HLTF: variants seen among roughly 807,000 people sequenced by gnomAD.
HLTF encodes DNA-dependent ATPase/E3 ubiquitin-protein ligase HLTF.
A neutral mutation model predicts 129.4 loss-of-function variants in HLTF; 127 were observed. The ratio of observed to expected loss-of-function variants is 0.98; its 90% CI spans 0.85 to 1.14. The LOEUF is 1.14. Ranked by LOEUF, HLTF falls within the 50% of genes most tolerant of loss-of-function variation. The probability of loss-of-function intolerance (pLI) is 0.00; values close to 1 mark genes in which losing one functional copy is unlikely to be tolerated. For missense variants in HLTF, 1,139 were observed against 1,187.1 expected, an observed-to-expected ratio of 0.96 and a Z score of 0.60; for synonymous variants, 332 against 388.8, an observed-to-expected ratio of 0.85 and a Z score of 1.72.
intron 2 of HLTF, chr3:149,083,773 G>A (rs1242443913): frequency 6.6e-6 from 1 of 150,646 alleles, no homozygotes; most frequent in Non-Finnish European, 1.5e-5. Context: ...ACAAAAATTA[G>A]CTGGGTATGG....
chr3:149,065,287 G>A (rs907775065), intron 8 of HLTF, among the ~76,000 whole-genome samples: 1 of 152,090 alleles, frequency 6.6e-6, no homozygotes, highest in Non-Finnish European at 1.5e-5. Flanking sequence ...TCTAGAATTT[G>A]CAGGGCAAAT....
Position 149,086,297 on chromosome 3 carries a change from AC to A in HLTF, c.20+19del. 2 of 1,600,396 alleles carry A rather than the reference AC, an allele frequency of 1.2e-6. No individual in the cohort carries two copies. Among genetic ancestry groups the A allele is most frequent in the East Asian group, 2.3e-5 (1 of 44,278 alleles). ...TCCAGGCCGTTAGACCGAGCGCCCC[AC>A]CCCCTCCGCCCCCTTCACCTCTTGA... On this transcript the variant is annotated intron_variant, in intron 1 of 24. Transcript: ENST00000310053.
chr3:149,050,876 T>C (rs969975060), intron 14 of HLTF, among the ~76,000 whole-genome samples: 20 of 152,188 alleles, frequency 1.3e-4, no homozygotes, highest in African/African-American at 4.8e-4. Context: ...CAAATAATCA[T>C]CCCTGACTTT....
chr3:149,038,147 C>T (rs13090196), intron 23 of HLTF, among the ~76,000 whole-genome samples: 1 of 151,946 alleles, frequency 6.6e-6, no homozygotes, highest in Non-Finnish European at 1.5e-5. Context: ...TAAGTCTCTA[C>T]GTTGAATGCA....
At chr3:149,037,582 C>T (rs755345751) in intron 23 of HLTF, among the ~76,000 whole-genome samples, 5 of 151,990 alleles carry the variant, frequency 3.3e-5, no homozygotes, top group Non-Finnish European at 5.9e-5. Flanking sequence ...AGAAGGATAC[C>T]GTCAGTTGAG....
In HLTF at chr3:149,035,613, C is replaced by G. The variant is rs570432886; in HGVS notation, c.2797-615G>C. ...GGCGGAGCCTGCAGTGAGCCGAGATCGCGCCACTGCACTCCAGACTGGGCG... is the reference window on the plus strand; with the variant it reads ...GGCGGAGCCTGCAGTGAGCCGAGATGGCGCCACTGCACTCCAGACTGGGCG... On this transcript the variant is annotated intron_variant, in intron 23 of 24. Transcript: ENST00000310053. Among the ~76,000 whole-genome samples the G allele has an allele frequency of 4.8e-4, 62 of 128,310 alleles. 1 individual carries two copies. The highest frequency in any genetic ancestry group is 1.8e-3 in the African/African-American group (59 of 33,582). The allele number at this position is 128,310 out of a possible 152,430, so 84.2% of individuals were successfully genotyped here. A position where few individuals can be genotyped will look rare whatever the true frequency, so the allele number is the denominator to read the frequency against.
rs1378952045 is a variant in HLTF, at chr3:149,071,653, T to TTAAG, written c.628_631dup (p.Lys211ThrfsTer2). 6.5e-7 allele frequency: 1 copy of TTAAG among 1,548,714 alleles called. No homozygotes were observed. Among genetic ancestry groups the TTAAG allele is most frequent in the East Asian group, 2.3e-5 (1 of 44,386 alleles). ...TTCAAACAATTTGTCAAATTCTGTT[T>TTAAG]TAAGCTACAATAAACAGCAACAAGA... On this transcript the variant is annotated stop_gained and frameshift_variant, in exon 6 of 25. Coordinates refer to ENST00000310053, the MANE Select transcript of HLTF (RefSeq NM_003071.4). LOFTEE classifies it high-confidence loss of function.
chr3:149,055,538 G>A (rs1232252899), intron 13 of HLTF, 138 bp from the exon 14 acceptor site: 14 of 613,226 alleles, frequency 2.3e-5, no homozygotes, highest in East Asian at 2.8e-5. Flanking sequence ...TTTTAACAGG[G>A]AATAAATTTT....
intron 23 of HLTF, among the ~76,000 whole-genome samples, chr3:149,035,634 G>A (rs1223609600): frequency 2.4e-5 from 3 of 123,010 alleles, no homozygotes; most frequent in Admixed American, 1.0e-4. Context: ...ACTCCAGACT[G>A]GGCGACAGCG....
In HLTF at chr3:149,031,440, A is replaced by G. The variant is rs1715030570; in HGVS notation, c.*780T>C. The G allele has an allele frequency of 6.6e-6, 1 of 152,630 alleles. No homozygotes were observed. Among genetic ancestry groups the G allele is most frequent in the Non-Finnish European group, 1.5e-5 (1 of 68,020 alleles). 9.5% of individuals were successfully genotyped at this position (152,630 alleles called of 1,614,324 possible). Reference sequence around the variant, plus strand: ...AAATTATCTATTTATAGAAATATCTATTTAGCAGTTCCATAATTTAAAATA... The same window carrying G: ...AAATTATCTATTTATAGAAATATCTGTTTAGCAGTTCCATAATTTAAAATA... On this transcript the variant is annotated 3_prime_UTR_variant, in exon 25 of 25. Transcript: ENST00000310053.
At chr3:149,079,161 C>T (rs939469572) in intron 2 of HLTF, among the ~76,000 whole-genome samples, 1 of 151,442 alleles carries the variant, frequency 6.6e-6, no homozygotes, top group Admixed American at 6.6e-5. Context: ...ATAAGAGTAC[C>T]ATAAGGAGAA....
At chr3:149,070,158 T>C (rs1350220497) in intron 7 of HLTF, among the ~76,000 whole-genome samples, 1 of 152,256 alleles carries the variant, frequency 6.6e-6, no homozygotes, top group Admixed American at 6.5e-5. Context: ...TTTAATAAAC[T>C]AATATTTATT....
chr3:149,040,691 T>A (rs992380064), intron 20 of HLTF, among the ~76,000 whole-genome samples: 8 of 152,004 alleles, frequency 5.3e-5, no homozygotes, highest in African/African-American at 1.9e-4. Flanking sequence ...AAAACACCAT[T>A]ACAATTAAAT....
At chr3:149,068,972 C>T (rs947667119) in intron 7 of HLTF, among the ~76,000 whole-genome samples, 2 of 152,002 alleles carry the variant, frequency 1.3e-5, no homozygotes, top group African/African-American at 2.4e-5. Flanking sequence ...GAGCCCTTCA[C>T]GAAAATGCAA....
At chr3:149,056,342 T>C (rs1717428647) in intron 13 of HLTF, among the ~76,000 whole-genome samples, 1 of 152,246 alleles carries the variant, frequency 6.6e-6, no homozygotes, top group South Asian at 2.1e-4. Context: ...GATAATAAAG[T>C]GTTTTTACAA....
intron 19 of HLTF, 61 bp from the exon 20 acceptor site, chr3:149,041,729 A>G: frequency 8.3e-7 from 1 of 1,202,608 alleles, no homozygotes; most frequent in Non-Finnish European, 1.2e-6. Flanking sequence ...AAGTTAATCT[A>G]TCTTATAAGG....
chr3:149,059,799 A>T lies in HLTF; in HGVS notation c.1294T>A (p.Ser432Thr), dbSNP rs1717771123. ...AATGCCACATCTTCTATAACCTTAG[A>T]AGATCCTGCTGATAAAACAACAAAG... is the stretch of plus-strand genomic sequence containing the variant. ...ETKGRAKAGS[S>T]KVIEDVAFAC... is the part of the protein sequence containing the mutation. Residue 432 changes from serine (S) to threonine (T), a missense_variant, in exon 13 of 25, where the codon TCT becomes ACT. Physicochemically the swap from Ser to Thr is moderately conservative, Grantham distance 58 (BLOSUM62 1). Transcript: ENST00000310053. 8 of 1,592,534 alleles carry T rather than the reference A, an allele frequency of 5.0e-6. No homozygotes were observed. The highest frequency in any genetic ancestry group is 3.3e-4 in the Middle Eastern group (2 of 6,016).
intron 20 of HLTF, among the ~76,000 whole-genome samples, chr3:149,040,927 G>A (rs1716079621): frequency 6.6e-6 from 1 of 152,158 alleles, no homozygotes. Context: ...CCAGCTGAAT[G>A]ACTGCTTAAC....
At chr3:149,054,925 T>G (rs148402481) in intron 14 of HLTF, among the ~76,000 whole-genome samples, 157 of 152,346 alleles carry the variant, frequency 1.0e-3, no homozygotes, top group African/African-American at 3.7e-3. Flanking sequence ...CTAACTGTTG[T>G]TATTGTTATA....
Sources: gnomAD v4.1 joint callset for allele counts (sites outside exome capture counted in the v4.1 genomes callset) on GRCh38, gnomAD v4.1.1 for gene constraint, MANE v1.5 for transcripts, NCBI Gene and HGNC (gene_info 2026-07-23, HGNC 2026-07-21) for gene names.